Variants in TEX15 observed in about 807,000 individuals in gnomAD.
TEX15 encodes testis expressed 15, meiosis and synapsis associated, also known as testis-expressed protein 15.
Under a neutral mutation model 237.3 loss-of-function variants are expected in TEX15, and 171 were observed. That is an observed-to-expected ratio of 0.72 (90% confidence interval 0.64 to 0.82). TEX15 has a LOEUF of 0.82. Ranked by LOEUF, TEX15 falls within the 40% of genes least tolerant of loss-of-function variation. The pLI, the probability that TEX15 is intolerant of heterozygous loss-of-function variation, is 0.00. For missense variants in TEX15, 3,750 were observed against 3,646.5 expected, an observed-to-expected ratio of 1.03 and a Z score of -0.73; for synonymous variants, 1,338 against 1,269.8, an observed-to-expected ratio of 1.05 and a Z score of -1.14.
At chr8:30,903,000 T>C (rs570590145) in intron 1 of TEX15, among the ~76,000 whole-genome samples, 35 of 152,346 alleles carry the variant, frequency 2.3e-4, no homozygotes, top group African/African-American at 8.4e-4. Context: ...TTTTAAACTA[T>C]GTGGTTAAAC....
chr8:30,889,940 T>TATATATATAC (rs34813481), intron 2 of TEX15, among the ~76,000 whole-genome samples: 4,036 of 127,976 alleles, frequency 0.032, 130 homozygotes, highest in Admixed American at 0.11. Context: ...TATACATATA[T>TATATATATAC]ATATATATAT....
chr8:30,849,127 T>A lies in TEX15; in HGVS notation c.1040A>T (p.Gln347Leu). The change falls in exon 8 of 11, where the codon CAA becomes CTA. Residue 347 changes from glutamine to leucine, a missense_variant. Physicochemically the swap from Gln to Leu is moderately radical, Grantham distance 113. Coordinates refer to ENST00000643185, the MANE Select transcript of TEX15 (RefSeq NM_001350162.2). The part of the protein sequence containing the change: ...SNISNSYGNV[Q>L]NGNISIPETY... ...TTCAGGTATAGAAATGTTTCCATTTTGTACATTTCCATAGGAGTTAGAAAT... is the reference window on the plus strand; with the variant it reads ...TTCAGGTATAGAAATGTTTCCATTTAGTACATTTCCATAGGAGTTAGAAAT... 3 of 1,595,700 alleles carry A rather than the reference T, an allele frequency of 1.9e-6. No homozygotes were observed. The highest frequency in any genetic ancestry group is 2.6e-6 in the Non-Finnish European group (3 of 1,171,106).
rs142318125 is a variant in TEX15, at chr8:30,837,539, G to T, written c.8745C>A (p.Val2915=). The stretch of plus-strand genomic sequence containing the variant: ...CTATATCATTATCTTGAAGTTCAAA[G>T]ACTGTGTCATTCATTTCTAGATCAG... ...VHPDLEMNDT[V]FELQDNDIVN... The change falls in exon 10 of 11, where the codon GTC becomes GTA. Residue 2915 remains valine, a synonymous_variant. Transcript: ENST00000643185. The T allele has an allele frequency of 4.1e-5, 66 of 1,613,742 alleles. No individual in the cohort carries two copies. The highest frequency in any genetic ancestry group is 2.7e-5 in the Non-Finnish European group (32 of 1,179,864).
In TEX15 at chr8:30,847,597, T is replaced by G. The variant is rs768639209; in HGVS notation, c.2570A>C (p.Lys857Thr). Residue 857 changes from lysine (K) to threonine (T), a missense_variant, in exon 8 of 11, where the codon AAA (lysine) becomes ACA (threonine). Coordinates refer to ENST00000643185, the MANE Select transcript of TEX15 (RefSeq NM_001350162.2). ...ATTTTGGTTTTCTCTATCTGTTTGT[T>G]TTTTGAAATTAACATTCAGCCATAT... ...NDIWLNVNFK[K>T]QTDRENQNEA... The G allele has an allele frequency of 6.2e-7, 1 of 1,612,914 alleles. No homozygotes were observed. Among genetic ancestry groups the G allele is most frequent in the Non-Finnish European group, 8.5e-7 (1 of 1,179,780 alleles).
Position 30,846,858 on chromosome 8 carries a change from T to A in TEX15, c.3309A>T (p.Glu1103Asp). ...YKALKSRISW[E>D]GLLALDNGEM... ...CCCCGTTATCAAGTGCTAACAGACC[T>A]TCCCAACTGATACGAGACTTCAGAG... The change falls in exon 8 of 11, where the codon GAA becomes GAT. Residue 1103 changes from glutamate to aspartate, a missense_variant. Glu to Asp is a conservative substitution (Grantham distance 45). Transcript: ENST00000643185. 3 of 1,613,916 alleles carry A rather than the reference T, an allele frequency of 1.9e-6. No homozygotes were observed. Among genetic ancestry groups the A allele is most frequent in the Non-Finnish European group, 2.5e-6 (3 of 1,179,840 alleles).
chr8:30,888,364 A>G (rs1356914030), intron 2 of TEX15, among the ~76,000 whole-genome samples: 1 of 152,208 alleles, frequency 6.6e-6, no homozygotes, highest in Non-Finnish European at 1.5e-5. Context: ...CTGATGGCCA[A>G]CAACAGCCAA....
intron 3 of TEX15, among the ~76,000 whole-genome samples, chr8:30,883,256 G>A (rs529331024): frequency 3.0e-4 from 46 of 152,134 alleles, no homozygotes; most frequent in African/African-American, 1.0e-3. Flanking sequence ...GAATTTAGAC[G>A]GTTTAAGTGT....
chr8:30,893,053 T>C (rs1019344400), intron 2 of TEX15, among the ~76,000 whole-genome samples: 3 of 145,430 alleles, frequency 2.1e-5, no homozygotes, highest in African/African-American at 7.8e-5. Flanking sequence ...AAAAAAAAGA[T>C]GTTGATACAG....
rs193031941 is a variant in TEX15, at chr8:30,867,519, A to C, written c.303-17T>G. On this transcript the variant is annotated splice_polypyrimidine_tract_variant and intron_variant, in intron 4 of 10. Coordinates refer to ENST00000643185, the MANE Select transcript of TEX15 (RefSeq NM_001350162.2). ...ATCTCTGACCTAAAGTAAAACAAAC[A>C]ATGTATACAGTTAAAGATAAATATC... is the stretch of plus-strand genomic sequence containing the variant. 6.3e-6 allele frequency: 9 copies of C among 1,420,442 alleles called. No individual in the cohort carries two copies. The highest frequency in any genetic ancestry group is 8.6e-6 in the Non-Finnish European group (9 of 1,042,934). The allele number at this position is 1,420,442 out of a possible 1,614,324, so 88.0% of individuals were successfully genotyped here. A position where few individuals can be genotyped will look rare whatever the true frequency, so the allele number is the denominator to read the frequency against.
intron 2 of TEX15, among the ~76,000 whole-genome samples, chr8:30,896,828 T>C (rs760534865): frequency 1.3e-5 from 2 of 152,164 alleles, no homozygotes; most frequent in Non-Finnish European, 2.9e-5. Context: ...ATAAATCTAT[T>C]ATGAAGTGCT....
intron 6 of TEX15, among the ~76,000 whole-genome samples, chr8:30,859,149 A>G (rs1403677541): frequency 3.3e-5 from 5 of 152,064 alleles, no homozygotes; most frequent in Non-Finnish European, 7.4e-5. Context: ...AAAATTAGGA[A>G]AATAACAATA....
At chr8:30,879,234 T>A (rs1426282951) in intron 3 of TEX15, among the ~76,000 whole-genome samples, 1 of 152,188 alleles carries the variant, frequency 6.6e-6, no homozygotes, top group African/African-American at 2.4e-5. Flanking sequence ...TCCTAGCTTA[T>A]CTTCTCACCT....
chr8:30,903,193 G>A (rs1406779099), intron 1 of TEX15, among the ~76,000 whole-genome samples: 1 of 152,104 alleles, frequency 6.6e-6, no homozygotes, highest in Non-Finnish European at 1.5e-5. Context: ...TAAAAATTTG[G>A]GGCAGGCTCT....
Position 30,842,568 on chromosome 8 carries a change from A to G in TEX15, c.7599T>C (p.Asn2533=). Residue 2533 remains asparagine (N), a synonymous_variant, in exon 8 of 11, where the codon AAT becomes AAC. Transcript: ENST00000643185. ...AGAGCAAATGAATAGCATATGAGCAATTAACAGCTTCATTATATTTGCAGA... is the reference window on the plus strand; with the variant it reads ...AGAGCAAATGAATAGCATATGAGCAGTTAACAGCTTCATTATATTTGCAGA... ...DIICKYNEAV[N]CSYAIHLLSR... 6.2e-7 allele frequency: 1 copy of G among 1,610,648 alleles called. No homozygotes were observed. Among genetic ancestry groups the G allele is most frequent in the Non-Finnish European group, 8.5e-7 (1 of 1,179,574 alleles).
intron 3 of TEX15, among the ~76,000 whole-genome samples, chr8:30,877,177 T>C (rs1808417390): frequency 6.6e-6 from 1 of 152,182 alleles, no homozygotes; most frequent in Non-Finnish European, 1.5e-5. Flanking sequence ...ATGGCCTCAT[T>C]TGACCTTAAA....
Position 30,837,031 on chromosome 8 carries a change from G to T in TEX15, c.9253C>A (p.Gln3085Lys). The T allele has an allele frequency of 6.2e-7, 1 of 1,614,082 alleles. No homozygotes were observed. Residue 3085 changes from glutamine to lysine, a missense_variant, in exon 10 of 11, where the codon CAG becomes AAG. By Grantham distance (53) the Gln-to-Lys change is moderately conservative. Coordinates refer to ENST00000643185, the MANE Select transcript of TEX15 (RefSeq NM_001350162.2). ...GLLTTVASTA[Q>K]GTHSNLLYSQ... ...TACAGAAGATTAGAATGTGTGCCCTGGGCAGTACTTGCAACTGTGGTCAAC... is the reference window on the plus strand; with the variant it reads ...TACAGAAGATTAGAATGTGTGCCCTTGGCAGTACTTGCAACTGTGGTCAAC...
chr8:30,841,120 A>C (rs1256617301), intron 8 of TEX15, among the ~76,000 whole-genome samples: 2 of 152,140 alleles, frequency 1.3e-5, no homozygotes, highest in Non-Finnish European at 1.5e-5. Flanking sequence ...AGGTCTCACC[A>C]TGTTGCCCAG....
rs773354276 is a variant in TEX15 at position 30,837,466 on chromosome 8, TG to T, written c.8817del (p.Ile2940SerfsTer12). Reference sequence around the variant, plus strand: ...GTAGGAATTTTGTTCTGGATACAGATGGGTTCTGGAGAAGTCATGCATGAGG... The same window carrying T: ...GTAGGAATTTTGTTCTGGATACAGATGGTTCTGGAGAAGTCATGCATGAGG... ...KNSSCMTSPE[P>X]ICIQNKIPTL... On this transcript the variant is annotated frameshift_variant, in exon 10 of 11. Coordinates refer to ENST00000643185, the MANE Select transcript of TEX15 (RefSeq NM_001350162.2). LOFTEE classifies it high-confidence loss of function. 1.5e-5 allele frequency: 25 copies of T among 1,613,980 alleles called. No individual in the cohort carries two copies. The highest frequency in any genetic ancestry group is 8.5e-7 in the Non-Finnish European group (1 of 1,179,994).
At chr8:30,864,527 AAAAAG>A (rs1808116610) in intron 5 of TEX15, among the ~76,000 whole-genome samples, 1 of 151,770 alleles carries the variant, frequency 6.6e-6, no homozygotes, top group African/African-American at 2.4e-5. Flanking sequence ...AAAAAGAAAA[AAAAAG>A]AAAAGAAAAG....
Sources: allele counts gnomAD v4.1 joint callset (sites outside exome capture counted in the v4.1 genomes callset), GRCh38; gene constraint gnomAD v4.1.1; transcripts MANE v1.5; gene names NCBI Gene and HGNC (gene_info 2026-07-23, HGNC 2026-07-21).